Variants in ABCA9 observed in about 807,000 individuals in gnomAD.
The protein encoded by ABCA9 is ATP-binding cassette sub-family A member 9.
A neutral mutation model predicts 205.3 loss-of-function variants in ABCA9; 183 were observed. The observed-to-expected ratio is 0.89, with a 90% confidence interval of 0.79 to 1.01. The LOEUF is 1.01. Among genes scored for constraint, ABCA9 ranks in the 50% least tolerant of loss-of-function variants. The probability of loss-of-function intolerance (pLI) is 0.00; values close to 1 mark genes in which losing one functional copy is unlikely to be tolerated. For synonymous variants in ABCA9, 651 were observed against 683.3 expected, an observed-to-expected ratio of 0.95 and a Z score of 0.74; for missense variants, 1,805 against 1,912.4, an observed-to-expected ratio of 0.94 and a Z score of 1.05.
At chr17:69,013,889 G>A (rs1220703112) in intron 22 of ABCA9, among the ~76,000 whole-genome samples, 3 of 152,128 alleles carry the variant, frequency 2.0e-5, no homozygotes, top group South Asian at 2.1e-4. Context: ...AATGCCAGGA[G>A]CTGGGTGGGG....
intron 25 of ABCA9, among the ~76,000 whole-genome samples, chr17:69,001,892 A>C (rs1436344508): frequency 6.6e-6 from 1 of 151,764 alleles, no homozygotes; most frequent in African/African-American, 2.4e-5. Flanking sequence ...TAGATTTTCT[A>C]GTTTATTTGT....
intron 26 of ABCA9, among the ~76,000 whole-genome samples, chr17:68,994,106 C>A (rs1317757014): frequency 6.6e-6 from 1 of 152,208 alleles, no homozygotes; most frequent in Non-Finnish European, 1.5e-5. Flanking sequence ...GAACTCCAGA[C>A]CTCAGGTGAT....
At chr17:69,070,904 G>A in the ABCA9 span, among the ~76,000 whole-genome samples, 3 of 152,288 alleles carry the variant, frequency 2.0e-5, no homozygotes, top group South Asian at 2.1e-4. Flanking sequence ...GCTTGGTGAC[G>A]GGAGGGGTGT....
rs1466604693 is a variant in ABCA9 at position 68,989,011 on chromosome 17, T to G, written c.4047+16A>C. ...TAGGTAGCACTAATGACCATATTCC[T>G]GTACGTTTTACTGACCTGTCCTGCA... On this transcript the variant is annotated intron_variant, in intron 31 of 38. Coordinates refer to ENST00000340001, the MANE Select transcript of ABCA9 (RefSeq NM_080283.4). 2 of 1,538,646 alleles carry G rather than the reference T, an allele frequency of 1.3e-6. No homozygotes were observed.
At chr17:69,057,980 T>C (rs1213760118) in intron 1 of ABCA9, among the ~76,000 whole-genome samples, 1 of 152,160 alleles carries the variant, frequency 6.6e-6, no homozygotes, top group Non-Finnish European at 1.5e-5. Context: ...TATGACACCA[T>C]TTTACATAAT....
chr17:69,033,270 G>T (rs1345135136), intron 9 of ABCA9: 1 of 118,222 alleles, frequency 8.5e-6, no homozygotes, highest in Non-Finnish European at 1.6e-5. Context: ...TCGCGCCACT[G>T]CACTCCAGCA....
upstream of ABCA9, among the ~76,000 whole-genome samples, chr17:69,062,697 G>C (rs1172204045): frequency 1.3e-5 from 2 of 151,998 alleles, no homozygotes; most frequent in African/African-American, 4.8e-5. Flanking sequence ...GTTTTTAGTA[G>C]AGAAGGGGTT....
intron 25 of ABCA9, 135 bp from the exon 26 acceptor site, chr17:68,996,149 T>C (rs993966995): frequency 4.7e-6 from 4 of 858,452 alleles, no homozygotes; most frequent in Non-Finnish European, 5.1e-6. Flanking sequence ...TTATATCATT[T>C]CTTTCCTTTG....
intron 25 of ABCA9, among the ~76,000 whole-genome samples, chr17:69,004,986 A>G (rs897288598): frequency 1.3e-5 from 2 of 152,036 alleles, no homozygotes; most frequent in Non-Finnish European, 2.9e-5. Flanking sequence ...CGGCTCGTGC[A>G]TGGTGCGCGC....
chr17:69,077,312 A>G, the ABCA9 span, among the ~76,000 whole-genome samples: 1 of 152,042 alleles, frequency 6.6e-6, no homozygotes, highest in African/African-American at 2.4e-5. Flanking sequence ...ATGTAATTCC[A>G]TGATTTGGGG....
upstream of ABCA9, chr17:69,061,195 T>C: frequency 1.0e-6 from 1 of 975,386 alleles, no homozygotes; most frequent in Non-Finnish European, 1.2e-6. Context: ...AAGGAGAATC[T>C]AGCCTTTCTC....
At chr17:69,049,050 T>C (rs975138477) in intron 3 of ABCA9, among the ~76,000 whole-genome samples, 3 of 152,228 alleles carry the variant, frequency 2.0e-5, no homozygotes, top group Non-Finnish European at 4.4e-5. Context: ...AACCCTGGAC[T>C]ATCTCATTTT....
At chr17:68,992,837 C>A (rs1201612352) in intron 27 of ABCA9, among the ~76,000 whole-genome samples, 179 bp downstream of exon 27, 1 of 137,522 alleles carries the variant, frequency 7.3e-6, no homozygotes, top group Non-Finnish European at 1.5e-5. Context: ...GGGGGGGGTC[C>A]AGGTTAAAAG....
intron 9 of ABCA9, 117 bp downstream of exon 9, chr17:69,033,609 C>T: frequency 4.9e-6 from 4 of 820,648 alleles, no homozygotes; most frequent in Non-Finnish European, 7.7e-6. Context: ...TATCATTAGG[C>T]TTGTTGTAGA....
chr17:69,065,732 T>G (rs559751575), upstream of ABCA9, among the ~76,000 whole-genome samples: 2 of 152,184 alleles, frequency 1.3e-5, no homozygotes, highest in Non-Finnish European at 2.9e-5. Flanking sequence ...CCTTCCTTGC[T>G]GATACAGTTT....
intron 10 of ABCA9, among the ~76,000 whole-genome samples, chr17:69,029,452 C>CTAAA (rs1188747044): frequency 1.3e-5 from 2 of 151,982 alleles, no homozygotes; most frequent in Non-Finnish European, 2.9e-5. Context: ...AATGAACAGG[C>CTAAA]TAAAATATGG....
chr17:69,028,728 A>G (rs2071072318), intron 11 of ABCA9, 83 bp from the exon 12 acceptor site: 1 of 714,558 alleles, frequency 1.4e-6, no homozygotes, highest in Non-Finnish European at 2.2e-6. Flanking sequence ...TTTTTGCAGC[A>G]TGAATAGATT....
rs935704261 is a variant in ABCA9 at position 69,050,968 on chromosome 17, T to C, written c.96+63A>G. 3 of 1,454,688 alleles carry C rather than the reference T, an allele frequency of 2.1e-6. No homozygotes were observed. In the African/African-American group the frequency reaches 4.2e-5, roughly 20 times the overall value. 90.1% of individuals were successfully genotyped at this position (1,454,688 alleles called of 1,614,324 possible). A position where few individuals can be genotyped will look rare whatever the true frequency, so the allele number is the denominator to read the frequency against. On this transcript the variant is annotated intron_variant, in intron 2 of 38. Transcript: ENST00000340001. The stretch of plus-strand genomic sequence containing the variant: ...TTAAATAATGAAAATAAAGTGTTTA[T>C]GTTGCCTGATAAAATACTTTTTCAT...
intron 10 of ABCA9, among the ~76,000 whole-genome samples, chr17:69,030,766 A>AT (rs1320355433): frequency 6.6e-6 from 1 of 152,096 alleles, no homozygotes; most frequent in Non-Finnish European, 1.5e-5. Context: ...GAAATGATAA[A>AT]TTTTTTCCAT....
Sources: gnomAD v4.1 joint callset for allele counts (sites outside exome capture counted in the v4.1 genomes callset) on GRCh38, gnomAD v4.1.1 for gene constraint, MANE v1.5 for transcripts, NCBI Gene and HGNC (gene_info 2026-07-23, HGNC 2026-07-21) for gene names.